The following FLI1 variants were observed in gnomAD, a reference collection of about 807,000 sequenced individuals.
FLI1 encodes Friend leukemia integration 1 transcription factor.
In FLI1, 13 loss-of-function variants were observed where a neutral mutation model predicts 53.1. The observed-to-expected ratio is 0.24, with a 90% confidence interval of 0.16 to 0.39. The LOEUF (loss-of-function observed/expected upper bound fraction) is 0.39. Ranked by LOEUF, FLI1 falls within the 10% of genes least tolerant of loss-of-function variation. The probability of loss-of-function intolerance (pLI) is 1.00; values close to 1 mark genes in which losing one functional copy is unlikely to be tolerated. For missense variants in FLI1, 424 were observed against 600.5 expected (o/e 0.71, Z 3.07); for synonymous variants, 244 against 236.7 (o/e 1.03, Z -0.28).
intron 1 of FLI1, among the ~76,000 whole-genome samples, chr11:128,752,948 G>A (rs981481739): frequency 1.3e-4 from 20 of 152,192 alleles, no homozygotes; most frequent in Non-Finnish European, 2.6e-4. Context: ...GGACCAGGAG[G>A]GGGTCGTGGA....
chr11:128,810,946 T>A lies in FLI1; in HGVS notation c.1317T>A (p.His439Gln). Residue 439 changes from histidine to glutamine, a missense_variant, in exon 9 of 9, where the codon CAT becomes CAA. By Grantham distance (24) the His-to-Gln change is conservative (BLOSUM62 0). Around this residue, in one of 5 missense-constraint regions of FLI1, gnomAD observed 87 missense variants for 100.0 expected, o/e 0.87. Transcript: ENST00000527786. This position sits in a 1 kb window ranked among gnomAD's most constrained non-coding sequence, Gnocchi z 6.6. The stretch of plus-strand genomic sequence containing the variant: ...ACCCCAACCCCAACGTCCCCCGCCA[T>A]CCTAACACCCACGTGCCTTCACACT... The part of the protein sequence containing the change: ...GIYPNPNVPR[H>Q]PNTHVPSHLG... 6.2e-7 allele frequency: 1 copy of A among 1,613,986 alleles called. No individual in the cohort carries two copies. The highest frequency in any genetic ancestry group is 1.1e-5 in the South Asian group (1 of 91,078).
At chr11:128,797,246 A>G (rs889916733) in intron 5 of FLI1, among the ~76,000 whole-genome samples, 1 of 152,244 alleles carries the variant, frequency 6.6e-6, no homozygotes, top group African/African-American at 2.4e-5. Context: ...TATGGGGTTC[A>G]TCTCACCTTT....
At chr11:128,701,082 T>C (rs1486165553) in intron 1 of FLI1, among the ~76,000 whole-genome samples, 4 of 152,152 alleles carry the variant, frequency 2.6e-5, no homozygotes, top group African/African-American at 4.8e-5. Flanking sequence ...CAACCAGAGA[T>C]AGATTCAGGC....
chr11:128,766,105 T>C (rs1467227495), intron 2 of FLI1, among the ~76,000 whole-genome samples: 2 of 152,138 alleles, frequency 1.3e-5, no homozygotes, highest in Non-Finnish European at 2.9e-5. Flanking sequence ...TGTGCATGCA[T>C]GTGTGTGAGT....
At chr11:128,734,489 C>T (rs564837897) in intron 1 of FLI1, among the ~76,000 whole-genome samples, 8 of 152,354 alleles carry the variant, frequency 5.3e-5, no homozygotes, top group East Asian at 1.9e-4. Flanking sequence ...GCTGAAACCA[C>T]GGTGGGAGGA....
At chr11:128,717,002 C>T (rs1194978625) in intron 1 of FLI1, among the ~76,000 whole-genome samples, 1 of 152,124 alleles carries the variant, frequency 6.6e-6, no homozygotes, top group African/African-American at 2.4e-5. Flanking sequence ...AGGGCATCTG[C>T]CTGGCAGCCA....
intron 1 of FLI1, among the ~76,000 whole-genome samples, chr11:128,701,187 A>G (rs891424297): frequency 6.6e-6 from 1 of 152,200 alleles, no homozygotes; most frequent in East Asian, 1.9e-4. Context: ...AGATGACATA[A>G]AACTGTGATT....
upstream of FLI1, chr11:128,694,050 A>G: frequency 2.3e-6 from 1 of 430,460 alleles, no homozygotes; most frequent in Non-Finnish European, 4.2e-6. Flanking sequence ...AGCTGAAAAA[A>G]AAGTTTCATC....
chr11:128,739,651 T>A (rs1159595803), intron 1 of FLI1, among the ~76,000 whole-genome samples: 1 of 152,092 alleles, frequency 6.6e-6, no homozygotes, highest in Non-Finnish European at 1.5e-5. Flanking sequence ...GGCTGTTGAA[T>A]TTGATTTATT....
upstream of FLI1, chr11:128,692,130 G>C (rs1344172769): frequency 1.3e-5 from 2 of 152,206 alleles, no homozygotes; most frequent in African/African-American, 4.8e-5. Flanking sequence ...GGCTGAAAAG[G>C]AAACAATTTG....
At chr11:128,749,707 C>G (rs1410651967) in intron 1 of FLI1, among the ~76,000 whole-genome samples, 2 of 152,216 alleles carry the variant, frequency 1.3e-5, no homozygotes, top group Admixed American at 1.3e-4. Context: ...GTGCCTCATG[C>G]AAAGGAGTTT....
intron 2 of FLI1, among the ~76,000 whole-genome samples, chr11:128,762,125 T>C (rs1324926605): frequency 6.6e-6 from 1 of 152,170 alleles, no homozygotes; most frequent in Non-Finnish European, 1.5e-5. Flanking sequence ...ACCCTATCAT[T>C]TAATTATGCC....
chr11:128,795,757 A>G (rs1015761023), intron 5 of FLI1, among the ~76,000 whole-genome samples: 1 of 152,052 alleles, frequency 6.6e-6, no homozygotes, highest in Non-Finnish European at 1.5e-5. Flanking sequence ...TCACCATGTT[A>G]GTCAGGATGG....
At chr11:128,701,255 G>T (rs1347784204) in intron 1 of FLI1, among the ~76,000 whole-genome samples, 1 of 152,090 alleles carries the variant, frequency 6.6e-6, no homozygotes, top group African/African-American at 2.4e-5. Context: ...TTTCAATTGG[G>T]CCTTCTATCC....
At chr11:128,784,303 G>A (rs1197494867) in intron 5 of FLI1, among the ~76,000 whole-genome samples, 1 of 139,058 alleles carries the variant, frequency 7.2e-6, no homozygotes, top group Non-Finnish European at 1.5e-5. Context: ...TCCTCTACCT[G>A]CCATACACAT....
intron 2 of FLI1, among the ~76,000 whole-genome samples, chr11:128,759,873 C>A (rs140027038): frequency 3.3e-5 from 5 of 152,228 alleles, no homozygotes; most frequent in Non-Finnish European, 5.9e-5. Context: ...ATGAGGTCAC[C>A]GAGGAAACTA....
At chr11:128,760,022 G>T (rs750268140) in intron 2 of FLI1, among the ~76,000 whole-genome samples, 1 of 152,112 alleles carries the variant, frequency 6.6e-6, no homozygotes, top group African/African-American at 2.4e-5. Flanking sequence ...CCAGTGACTG[G>T]GATCTCAGCC....
intron 1 of FLI1, among the ~76,000 whole-genome samples, chr11:128,743,489 AAGG>A (rs1940230199): frequency 6.6e-6 from 1 of 152,130 alleles, no homozygotes; most frequent in Non-Finnish European, 1.5e-5. Context: ...GAACGGGACA[AAGG>A]AGCTCAGAAA....
intron 1 of FLI1, chr11:128,695,862 T>C (rs1938050310): frequency 6.6e-6 from 1 of 152,326 alleles, no homozygotes; most frequent in East Asian, 1.9e-4. Flanking sequence ...AGTAATGAGA[T>C]GCTCCCCTCT....
Sources: allele counts gnomAD v4.1 joint callset (sites outside exome capture counted in the v4.1 genomes callset), GRCh38; gene constraint gnomAD v4.1.1; regional missense constraint gnomAD v4.1.1; non-coding constraint Gnocchi (gnomAD v3.1); transcripts MANE v1.5; gene names NCBI Gene and HGNC (gene_info 2026-07-23, HGNC 2026-07-21).